The following CTCFL variants were observed in gnomAD, a reference collection of about 807,000 sequenced individuals.
CTCFL encodes transcriptional repressor CTCFL.
A neutral mutation model predicts 67.4 loss-of-function variants in CTCFL; 36 were observed. That is an observed-to-expected ratio of 0.53 (90% CI 0.41 to 0.71). The LOEUF is 0.71. Ranked by LOEUF, CTCFL falls within the 30% of genes least tolerant of loss-of-function variation. CTCFL has a pLI of 0.00. For missense variants in CTCFL, 786 were observed against 835.2 expected (o/e 0.94, Z 0.73); for synonymous variants, 324 against 302.3 (o/e 1.07, Z -0.75).
intron 7 of CTCFL, chr20:57,513,923 C>T (rs989101939): frequency 3.1e-6 from 4 of 1,284,370 alleles, no homozygotes; most frequent in Non-Finnish European, 4.1e-6. Context: ...CCCTCCCTCC[C>T]ATTGCTCAAC....
chr20:57,518,785 A>G lies in CTCFL; in HGVS notation c.1032T>C (p.Cys344=), dbSNP rs2069118900. 2.5e-6 allele frequency: 4 copies of G among 1,614,060 alleles called. No homozygotes were observed. Among genetic ancestry groups the G allele is most frequent in the African/African-American group, 2.7e-5 (2 of 74,934 alleles). The change falls in exon 5 of 11, where the codon TGT becomes TGC. Residue 344 remains cysteine, a synonymous_variant. Coordinates refer to ENST00000243914, the MANE Select transcript of CTCFL (RefSeq NM_001386993.1). The part of the protein sequence containing the change: ...YKHTHEKPFK[C]SMCKYASVEA... Reference sequence around the variant, plus strand: ...CCACACTGGCATACTTGCACATGGAACATTTAAAGGGTTTCTCATGAGTAT... The same window carrying G: ...CCACACTGGCATACTTGCACATGGAGCATTTAAAGGGTTTCTCATGAGTAT...
chr20:57,498,610 G>C lies in CTCFL; in HGVS notation c.1932C>G (p.Val644=). The C allele has an allele frequency of 1.8e-5, 29 of 1,614,052 alleles. No individual in the cohort carries two copies. The highest frequency in any genetic ancestry group is 2.4e-5 in the Non-Finnish European group (28 of 1,180,000). ...TCACGCCTTCATCCACTTCCTCTTT[G>C]ACTCTGGCTGTGGTTTCTCTGCAGG... The part of the protein sequence containing the change: ...PVACRETTAR[V]KEEVDEGVTC... The change falls in exon 11 of 11, where the codon GTC becomes GTG. Residue 644 remains valine, a synonymous_variant. Coordinates refer to ENST00000243914, the MANE Select transcript of CTCFL (RefSeq NM_001386993.1).
intron 3 of CTCFL, among the ~76,000 whole-genome samples, chr20:57,520,360 A>G (rs1368484663): frequency 1.3e-5 from 2 of 152,242 alleles, no homozygotes; most frequent in African/African-American, 4.8e-5. Flanking sequence ...TCAGACCTAC[A>G]AAGACTTCAG....
Position 57,515,345 on chromosome 20 carries a change from A to G in CTCFL, c.1180+369T>C, listed in dbSNP as rs147695158. On this transcript the variant is annotated intron_variant, in intron 6 of 10. Transcript: ENST00000243914. ...TTACTCGTAGAGACAGGGTCTCCCT[A>G]TGTTGACCAGGCTGGTCTCAAACTC... The G allele has an allele frequency of 8.0e-3, 1,943 of 241,868 alleles. 42 individuals carry two copies. The highest frequency in any genetic ancestry group is 0.041 in the African/African-American group (1,780 of 43,080). 15.0% of individuals were successfully genotyped at this position (241,868 alleles called of 1,614,324 possible).
chr20:57,523,386 TGCATCACAATGTTAATTATTTC>T lies in CTCFL; in HGVS notation c.544-130_544-109del, dbSNP rs2069544098. 2.7e-6 allele frequency: 3 copies of T among 1,094,430 alleles called. No individual in the cohort carries two copies. In the East Asian group the frequency reaches 7.4e-5, roughly 27 times the overall value. 67.8% of individuals were successfully genotyped at this position (1,094,430 alleles called of 1,614,324 possible). On this transcript the variant is annotated intron_variant, in intron 2 of 10. Coordinates refer to ENST00000243914, the MANE Select transcript of CTCFL (RefSeq NM_001386993.1). ...AAAGAAAAGCCAAAGTGGAAGATTA[TGCATCACAATGTTAATTATTTC>T]GCATCAGGGTTGTGGCAGTGAAACT...
At chr20:57,521,846 T>C (rs2069388934) in intron 3 of CTCFL, among the ~76,000 whole-genome samples, 1 of 152,186 alleles carries the variant, frequency 6.6e-6, no homozygotes, top group South Asian at 2.1e-4. Context: ...ACATATATGA[T>C]TCAACTTCTG....
rs1462493747 is a variant in CTCFL, at chr20:57,505,101, A to G, written c.1675-1500T>C. Reference sequence around the variant, plus strand: ...CAGTTAAAGAGATGGCCTTTGGGAAAACTGTGGGTAGCATGCACCTTTGAT... The same window carrying G: ...CAGTTAAAGAGATGGCCTTTGGGAAGACTGTGGGTAGCATGCACCTTTGAT... On this transcript the variant is annotated intron_variant, in intron 9 of 10. Transcript: ENST00000243914. Among the ~76,000 whole-genome samples, 13 of 151,874 alleles carry G rather than the reference A, an allele frequency of 8.6e-5. 1 individual carries two copies. Among genetic ancestry groups the G allele is most frequent in the Non-Finnish European group, 1.9e-4 (13 of 67,850 alleles).
At chr20:57,519,124 C>T (rs963461358) in intron 4 of CTCFL, 83 bp downstream of exon 4, 33 of 1,402,022 alleles carry the variant, frequency 2.4e-5, no homozygotes, top group Non-Finnish European at 3.2e-5. Flanking sequence ...CACGATTCTA[C>T]TGTAGAAACA....
intron 1 of CTCFL, 30 bp from the exon 2 acceptor site, chr20:57,524,246 T>G (rs371615987): frequency 6.8e-6 from 10 of 1,479,646 alleles, no homozygotes; most frequent in African/African-American, 3.0e-5. Context: ...GCGGTTTCCA[T>G]AGGGGGGAGA....
intron 9 of CTCFL, chr20:57,506,925 C>T (rs2068236599): frequency 2.0e-6 from 2 of 985,160 alleles, no homozygotes; most frequent in African/African-American, 3.5e-5. Flanking sequence ...CAGAACTATC[C>T]CACTGTGCTA....
At position 57,503,459 on chromosome 20, in the gene CTCFL, C is replaced by A; in HGVS notation, c.1817G>T (p.Trp606Leu). The change falls in exon 10 of 11, where the codon TGG (tryptophan) becomes TTG (leucine). Residue 606 changes from tryptophan to leucine, a missense_variant. By Grantham distance (61) the Trp-to-Leu change is moderately conservative. Transcript: ENST00000243914. ...ACCGTCTCCGTTCGCGGCTTCCTTC[C>A]ATCCCTTCGCAGCTTCCTTCTGACC... is the stretch of plus-strand genomic sequence containing the variant. ...TKGQKEAAKG[W>L]KEAANGDEAA... is the part of the protein sequence containing the mutation. 1.2e-6 allele frequency: 2 copies of A among 1,614,188 alleles called. No individual in the cohort carries two copies. The highest frequency in any genetic ancestry group is 1.7e-6 in the Non-Finnish European group (2 of 1,180,030).
chr20:57,524,280 CG>C (rs1166764176), intron 1 of CTCFL, 64 bp from the exon 2 acceptor site: 10 of 1,531,112 alleles, frequency 6.5e-6, no homozygotes, highest in Admixed American at 2.0e-5. Flanking sequence ...AGGAGGGATG[CG>C]GGGGGTGCTG....
chr20:57,506,743 C>T, intron 9 of CTCFL: 1 of 971,508 alleles, frequency 1.0e-6, no homozygotes. Context: ...CTGCATGAGG[C>T]AGACTTGTTC....
At chr20:57,521,457 A>G (rs893205797) in intron 3 of CTCFL, among the ~76,000 whole-genome samples, 14 of 152,266 alleles carry the variant, frequency 9.2e-5, no homozygotes, top group African/African-American at 3.4e-4. Context: ...GAAGCAACAC[A>G]CACTGCTGGT....
chr20:57,514,768 C>T, intron 6 of CTCFL, 27 bp from the exon 7 acceptor site: 1 of 1,607,666 alleles, frequency 6.2e-7, no homozygotes, highest in Non-Finnish European at 8.5e-7. Flanking sequence ...AAAGTGATTC[C>T]CCCTCCAGGC....
At chr20:57,496,413 T>A (rs1413856439), downstream of CTCFL, 2 of 514,514 alleles carry the variant, frequency 3.9e-6, no homozygotes, top group Non-Finnish European at 7.0e-6. Context: ...CAGTTTCAGG[T>A]ATTTCTTTAT....
At chr20:57,499,317 C>T (rs925260829) in intron 10 of CTCFL, among the ~76,000 whole-genome samples, 3 of 152,118 alleles carry the variant, frequency 2.0e-5, no homozygotes, top group African/African-American at 4.8e-5. Flanking sequence ...CTGTGGGTTG[C>T]GCGTTCTGCT....
rs66593447 is a variant in CTCFL, at chr20:57,523,344, T to G, written c.544-66A>C. On this transcript the variant is annotated intron_variant, in intron 2 of 10. Coordinates refer to ENST00000243914, the MANE Select transcript of CTCFL (RefSeq NM_001386993.1). Reference sequence around the variant, plus strand: ...CAGTATAATTAGACTTTTGCCTGGATGAAGCACAGAATACAAAAAGAAAAG... The same window carrying G: ...CAGTATAATTAGACTTTTGCCTGGAGGAAGCACAGAATACAAAAAGAAAAG... The G allele has an allele frequency of 0.04, 57,737 of 1,434,458 alleles. 1,465 individuals carry two copies. The highest frequency in any genetic ancestry group is 0.049 in the Non-Finnish European group (51,185 of 1,044,598). The allele number at this position is 1,434,458 out of a possible 1,614,324, so 88.9% of individuals were successfully genotyped here.
chr20:57,520,585 T>C (rs2069279040), intron 3 of CTCFL, among the ~76,000 whole-genome samples: 2 of 152,218 alleles, frequency 1.3e-5, no homozygotes, highest in African/African-American at 2.4e-5. Context: ...TTCTAACTTA[T>C]TCCGGTTCCA....
Sources: allele counts gnomAD v4.1 joint callset (sites outside exome capture counted in the v4.1 genomes callset), GRCh38; gene constraint gnomAD v4.1.1; transcripts MANE v1.5; gene names NCBI Gene and HGNC (gene_info 2026-07-23, HGNC 2026-07-21).